The following SLC38A4 variants were observed in gnomAD, a reference collection of about 807,000 sequenced individuals.
The protein encoded by SLC38A4 is sodium-coupled neutral amino acid transporter 4.
Under a neutral mutation model 63.1 loss-of-function variants are expected in SLC38A4, and 20 were observed. That is an observed-to-expected ratio of 0.32 (90% CI 0.22 to 0.46). SLC38A4 has a LOEUF of 0.46. Ranked by LOEUF, SLC38A4 falls within the 20% of genes least tolerant of loss-of-function variation. The pLI, the probability that SLC38A4 is intolerant of heterozygous loss-of-function variation, is 1.00. For missense variants in SLC38A4, 526 were observed against 663.6 expected (o/e 0.79, Z 2.28); for synonymous variants, 230 against 225.5 (o/e 1.02, Z -0.18).
upstream of SLC38A4, among the ~76,000 whole-genome samples, chr12:46,829,314 T>C (rs1299587356): frequency 6.6e-6 from 1 of 152,198 alleles, no homozygotes; most frequent in Admixed American, 6.5e-5. Context: ...TGCAAGATGA[T>C]TTCAATTGAT....
At chr12:46,810,296 T>TCAAAGATTATGTTGTTC (rs1461307267) in intron 1 of SLC38A4, among the ~76,000 whole-genome samples, 1 of 151,836 alleles carries the variant, frequency 6.6e-6, no homozygotes, top group Non-Finnish European at 1.5e-5. Flanking sequence ...CTATGTTGTT[T>TCAAAGATTATGTTGTTC]CAAAGATTAT....
At chr12:46,811,927 A>G (rs1341616083) in intron 1 of SLC38A4, among the ~76,000 whole-genome samples, 1 of 152,002 alleles carries the variant, frequency 6.6e-6, no homozygotes, top group Non-Finnish European at 1.5e-5. Context: ...TAACTATAGA[A>G]ATCCTGACTC....
At chr12:46,768,277 C>G in intron 16 of SLC38A4, 33 bp downstream of exon 16, 1 of 1,462,202 alleles carries the variant, frequency 6.8e-7, no homozygotes, top group East Asian at 2.3e-5. Flanking sequence ...GGAAGAACAA[C>G]TAATAATGGG....
At chr12:46,778,172 G>T in intron 12 of SLC38A4, 117 bp downstream of exon 12, 1 of 914,388 alleles carries the variant, frequency 1.1e-6, no homozygotes. Flanking sequence ...AGGAGTGGAT[G>T]GAGTACATAT....
intron 13 of SLC38A4, among the ~76,000 whole-genome samples, chr12:46,776,090 A>G (rs1938519270): frequency 6.6e-6 from 1 of 152,032 alleles, no homozygotes; most frequent in African/African-American, 2.4e-5. Flanking sequence ...CATACATGCA[A>G]TTCAATTTAC....
intron 2 of SLC38A4, among the ~76,000 whole-genome samples, chr12:46,797,400 A>G (rs956424365): frequency 1.3e-5 from 2 of 152,146 alleles, no homozygotes; most frequent in African/African-American, 4.8e-5. Flanking sequence ...TGCTTGAGCT[A>G]GGACATCCAT....
At chr12:46,776,691 G>A (rs567100502) in intron 13 of SLC38A4, among the ~76,000 whole-genome samples, 2 of 152,132 alleles carry the variant, frequency 1.3e-5, no homozygotes, top group East Asian at 3.9e-4. Flanking sequence ...TAAAATAGGT[G>A]TTAATTCACA....
At chr12:46,788,312 T>G (rs111555042) in intron 4 of SLC38A4, among the ~76,000 whole-genome samples, 1 of 152,188 alleles carries the variant, frequency 6.6e-6, no homozygotes, top group Non-Finnish European at 1.5e-5. Flanking sequence ...TGGGTTAGAA[T>G]GATTTCCCCC....
intron 1 of SLC38A4, among the ~76,000 whole-genome samples, chr12:46,807,897 C>A (rs1313431730): frequency 6.7e-6 from 1 of 150,352 alleles, no homozygotes; most frequent in African/African-American, 2.4e-5. Context: ...TTACCCCCCC[C>A]CCCAAAGCCA....
At chr12:46,829,808 G>C (rs1353079850), upstream of SLC38A4, among the ~76,000 whole-genome samples, 1 of 152,100 alleles carries the variant, frequency 6.6e-6, no homozygotes, top group Non-Finnish European at 1.5e-5. Flanking sequence ...ACAAAGAATT[G>C]TTCATTTACG....
intron 7 of SLC38A4, among the ~76,000 whole-genome samples, chr12:46,781,973 T>C (rs1426115675): frequency 6.6e-6 from 1 of 152,056 alleles, no homozygotes; most frequent in Non-Finnish European, 1.5e-5. Flanking sequence ...GGTCTATTTG[T>C]TGGGATTTGG....
At position 46,765,439 on chromosome 12, in the gene SLC38A4, A is replaced by G; in HGVS notation, c.*1262T>C. The G allele has an allele frequency of 2.8e-6, 1 of 360,812 alleles. No individual in the cohort carries two copies. The highest frequency in any genetic ancestry group is 2.0e-5 in the South Asian group (1 of 50,032). 22.4% of individuals were successfully genotyped at this position (360,812 alleles called of 1,614,324 possible). On this transcript the variant is annotated 3_prime_UTR_variant, in exon 17 of 17. Coordinates refer to ENST00000266579, the MANE Select transcript of SLC38A4 (RefSeq NM_018018.5). ...TCCTATTTTAGATATGCTAAATTAAAAGAACAACTTTAGTATGATAAAAAT... is the reference window on the plus strand; with the variant it reads ...TCCTATTTTAGATATGCTAAATTAAGAGAACAACTTTAGTATGATAAAAAT...
intron 1 of SLC38A4, among the ~76,000 whole-genome samples, chr12:46,811,277 C>T (rs372843721): frequency 1.3e-5 from 2 of 152,070 alleles, no homozygotes; most frequent in East Asian, 3.9e-4. Flanking sequence ...ACAGGATGCA[C>T]AAAATGCCCA....
intron 7 of SLC38A4, 104 bp downstream of exon 7, chr12:46,784,438 A>G (rs1313203749): frequency 5.5e-6 from 4 of 725,270 alleles, no homozygotes; most frequent in Non-Finnish European, 8.6e-6. Context: ...TATAAGTAGC[A>G]ATTTTTCTGT....
intron 3 of SLC38A4, among the ~76,000 whole-genome samples, chr12:46,790,048 A>T (rs775925279): frequency 2.0e-5 from 3 of 152,148 alleles, no homozygotes; most frequent in Non-Finnish European, 4.4e-5. Context: ...ATTGCACTCC[A>T]GCATGGGCCA....
intron 1 of SLC38A4, among the ~76,000 whole-genome samples, chr12:46,815,282 TATACAC>T (rs1262795920): frequency 3.7e-3 from 333 of 89,936 alleles, no homozygotes; most frequent in South Asian, 7.5e-3. Flanking sequence ...TATATATATA[TATACAC>T]ACACACACAC....
chr12:46,787,870 T>C (rs1938795092), intron 5 of SLC38A4, 46 bp downstream of exon 5: 2 of 1,379,340 alleles, frequency 1.4e-6, no homozygotes, highest in Non-Finnish European at 2.1e-6. Flanking sequence ...AGCCACCAGG[T>C]ATGCATGGAC....
At chr12:46,828,736 G>A (rs1939692337), upstream of SLC38A4, among the ~76,000 whole-genome samples, 1 of 152,202 alleles carries the variant, frequency 6.6e-6, no homozygotes. Context: ...TATTTGCCCA[G>A]CACTGTGCTA....
At chr12:46,797,161 C>CTTCAT (rs1203620468) in intron 2 of SLC38A4, among the ~76,000 whole-genome samples, 16 of 152,206 alleles carry the variant, frequency 1.1e-4, no homozygotes, top group African/African-American at 3.9e-4. Context: ...CTTCATATAA[C>CTTCAT]GTGATGGTTA....
Sources: allele counts gnomAD v4.1 joint callset (sites outside exome capture counted in the v4.1 genomes callset), GRCh38; gene constraint gnomAD v4.1.1; transcripts MANE v1.5; gene names NCBI Gene and HGNC (gene_info 2026-07-23, HGNC 2026-07-21).